The following ZNF510 variants were observed in gnomAD, a reference collection of about 807,000 sequenced individuals.
ZNF510 encodes the protein zinc finger protein 510.
A neutral mutation model predicts 18.1 loss-of-function variants in ZNF510; 15 were observed. The ratio of observed to expected loss-of-function variants is 0.83; its 90% CI spans 0.55 to 1.28. ZNF510 has a LOEUF of 1.28. Ranked by LOEUF, ZNF510 falls within the 50% of genes most tolerant of loss-of-function variation. The pLI, the probability that ZNF510 is intolerant of heterozygous loss-of-function variation, is 0.00. For synonymous variants in ZNF510, 261 were observed against 266.4 expected, an observed-to-expected ratio of 0.98 and a Z score of 0.20; for missense variants, 724 against 791.8, an observed-to-expected ratio of 0.91 and a Z score of 1.03.
chr9:96,763,555 A>G lies in ZNF510; in HGVS notation c.207T>C (p.Asn69=). The G allele has an allele frequency of 6.2e-7, 1 of 1,613,218 alleles. No homozygotes were observed. The highest frequency in any genetic ancestry group is 1.3e-5 in the African/African-American group (1 of 74,962). ...TCTCCAGCATCACATCTCTGTACAG[A>G]TTCTTCTGAACAGGGGCCATTTGCT... ...EWQQMAPVQK[N]LYRDVMLENY... is the part of the protein sequence containing the mutation. Residue 69 remains asparagine, a synonymous_variant, in exon 4 of 6, where the codon AAT becomes AAC. Transcript: ENST00000223428.
chr9:96,760,925 C>T (rs76272926), intron 5 of ZNF510, among the ~76,000 whole-genome samples: 6 of 152,160 alleles, frequency 3.9e-5, no homozygotes, highest in Non-Finnish European at 7.4e-5. Flanking sequence ...AAGTAAATTA[C>T]AGTCTAGGTC....
intron 3 of ZNF510, among the ~76,000 whole-genome samples, chr9:96,763,971 C>T (rs1849413498): frequency 6.6e-6 from 1 of 152,060 alleles, no homozygotes; most frequent in African/African-American, 2.4e-5. Flanking sequence ...GTGGTATGTG[C>T]CTGTAGTCCC....
chr9:96,763,463 T>G, intron 4 of ZNF510, 43 bp downstream of exon 4: 1 of 1,557,696 alleles, frequency 6.4e-7, no homozygotes, highest in East Asian at 2.2e-5. Context: ...AAGAAATACC[T>G]TCTATATGGA....
chr9:96,769,427 A>G (rs1008850922), intron 3 of ZNF510, among the ~76,000 whole-genome samples: 4 of 148,436 alleles, frequency 2.7e-5, no homozygotes, highest in Non-Finnish European at 6.0e-5. Context: ...ACAGACAAAG[A>G]TTCCGTCTCC....
chr9:96,773,081 T>C (rs993748793), intron 3 of ZNF510, among the ~76,000 whole-genome samples: 23 of 152,346 alleles, frequency 1.5e-4, no homozygotes, highest in African/African-American at 5.5e-4. Flanking sequence ...CCTTGAAAAC[T>C]GTAAAAGAAT....
chr9:96,759,058 T>C lies in ZNF510; in HGVS notation c.1772A>G (p.Gln591Arg). 5.6e-6 allele frequency: 9 copies of C among 1,614,120 alleles called. No individual in the cohort carries two copies. Among genetic ancestry groups the C allele is most frequent in the Non-Finnish European group, 7.6e-6 (9 of 1,179,998 alleles). The change falls in exon 6 of 6, where the codon CAA becomes CGA. Residue 591 changes from glutamine (Q) to arginine (R), a missense_variant. Transcript: ENST00000223428. ...TGGTTTCTCCCCAGTGTGAATTCTTTGATGCACTCTGAGGGTTGATGTCCG... is the reference window on the plus strand; with the variant it reads ...TGGTTTCTCCCCAGTGTGAATTCTTCGATGCACTCTGAGGGTTGATGTCCG... ...FARTSTLRVH[Q>R]RIHTGEKPFK...
At chr9:96,766,825 G>A (rs781712313) in intron 3 of ZNF510, among the ~76,000 whole-genome samples, 20 of 135,848 alleles carry the variant, frequency 1.5e-4, no homozygotes, top group Admixed American at 6.9e-4. Flanking sequence ...AGAGAGAGAC[G>A]AGACAGGCAC....
intron 5 of ZNF510, among the ~76,000 whole-genome samples, chr9:96,761,414 T>TAACA (rs768171553): frequency 5.3e-5 from 8 of 152,216 alleles, no homozygotes. Flanking sequence ...GCTTACCTCT[T>TAACA]AACATTTTAT....
intron 3 of ZNF510, among the ~76,000 whole-genome samples, chr9:96,767,800 A>G (rs573247299): frequency 4.6e-5 from 7 of 152,326 alleles, no homozygotes; most frequent in Middle Eastern, 3.4e-3. Flanking sequence ...TCTACCAAAC[A>G]TTTAAAGAAA....
Position 96,756,571 on chromosome 9 carries a change from G to C in ZNF510, c.*2207C>G, listed in dbSNP as rs1470363253. On this transcript the variant is annotated 3_prime_UTR_variant, in exon 6 of 6. Coordinates refer to ENST00000223428, the MANE Select transcript of ZNF510 (RefSeq NM_014930.3). ...CATTTTCATTCCACAAGTGAGGCTT[G>C]CTGGGTCCTTTTCATTTTGTTAGTT... 1 of 152,218 alleles carries C rather than the reference G, an allele frequency of 6.6e-6. No individual in the cohort carries two copies. The highest frequency in any genetic ancestry group is 1.5e-5 in the Non-Finnish European group (1 of 68,064). 9.4% of individuals were successfully genotyped at this position (152,218 alleles called of 1,614,324 possible). A position where few individuals can be genotyped will look rare whatever the true frequency, so the allele number is the denominator to read the frequency against.
rs764632631 is a variant in ZNF510, at chr9:96,759,475, C to G, written c.1355G>C (p.Arg452Thr). Residue 452 changes from arginine to threonine, a missense_variant, in exon 6 of 6, where the codon AGA (arginine) becomes ACA (threonine). Coordinates refer to ENST00000223428, the MANE Select transcript of ZNF510 (RefSeq NM_014930.3). ...ATAGGGTTTTTCTGCTGTATGAATT[C>G]TCTGATGAGTACTGAGGTGTGACTT... ...SQKSHLSTHQ[R>T]IHTAEKPYKC... 2 of 1,614,094 alleles carry G rather than the reference C, an allele frequency of 1.2e-6. No individual in the cohort carries two copies. Among genetic ancestry groups the G allele is most frequent in the Admixed American group, 3.3e-5 (2 of 60,026 alleles).
Position 96,774,850 on chromosome 9 carries a change from G to A in ZNF510, c.71-4C>T. 1 of 1,613,868 alleles carries A rather than the reference G, an allele frequency of 6.2e-7. No individual in the cohort carries two copies. On this transcript the variant is annotated splice_region_variant and splice_polypyrimidine_tract_variant and intron_variant, in intron 2 of 5. Transcript: ENST00000223428. The stretch of plus-strand genomic sequence containing the variant: ...GTGGAGAACCGTAAAGGATAACCTG[G>A]GGGTGAGGAAGGAGTCATGAGAGAT...
Position 96,759,828 on chromosome 9 carries a change from T to C in ZNF510, c.1002A>G (p.Lys334=). Residue 334 remains lysine, a synonymous_variant, in exon 6 of 6, where the codon AAA becomes AAG. Transcript: ENST00000223428. ...EEYNKLNMGI[K]HYELNPSGNN... ...TTCCACTTGGATTTAATTCATAATG[T>C]TTTATACCCATATTAAGTTTATTAT... The C allele has an allele frequency of 6.2e-7, 1 of 1,613,768 alleles. No individual in the cohort carries two copies. Among genetic ancestry groups the C allele is most frequent in the Non-Finnish European group, 8.5e-7 (1 of 1,179,942 alleles).
rs1849188592 is a variant in ZNF510, at chr9:96,756,169, A to C, written c.*2609T>G. 1 of 152,376 alleles carries C rather than the reference A, an allele frequency of 6.6e-6. No individual in the cohort carries two copies. Among genetic ancestry groups the C allele is most frequent in the African/African-American group, 2.4e-5 (1 of 41,582 alleles). 9.4% of individuals were successfully genotyped at this position (152,376 alleles called of 1,614,324 possible). On this transcript the variant is annotated 3_prime_UTR_variant, in exon 6 of 6. Coordinates refer to ENST00000223428, the MANE Select transcript of ZNF510 (RefSeq NM_014930.3). ...GCTTTTTAATCTGTAATTTCCAATT[A>C]GAATATCAAATATCTAGGCCACATC...
intron 3 of ZNF510, among the ~76,000 whole-genome samples, chr9:96,770,181 G>T (rs73554354): frequency 6.6e-6 from 1 of 152,134 alleles, no homozygotes; most frequent in Non-Finnish European, 1.5e-5. Flanking sequence ...TCAGTTGAAT[G>T]AATAAACAAT....
chr9:96,762,856 G>T, intron 5 of ZNF510: 1 of 233,284 alleles, frequency 4.3e-6, no homozygotes, highest in Admixed American at 5.1e-5. Flanking sequence ...ACATTTTCAG[G>T]AAGCATATCC....
chr9:96,773,652 T>A (rs1045853055), intron 3 of ZNF510, among the ~76,000 whole-genome samples: 24 of 151,962 alleles, frequency 1.6e-4, no homozygotes, highest in Non-Finnish European at 3.2e-4. Flanking sequence ...CTCAGCTCAC[T>A]GCAGCCTCCG....
intron 5 of ZNF510, among the ~76,000 whole-genome samples, chr9:96,762,221 AAAAAG>A (rs1849363882): frequency 6.8e-6 from 1 of 147,164 alleles, no homozygotes; most frequent in Non-Finnish European, 1.5e-5. Context: ...AAAAAAAAAA[AAAAAG>A]AGGCCAGGCA....
intron 3 of ZNF510, among the ~76,000 whole-genome samples, chr9:96,770,736 T>C (rs1044029100): frequency 4.6e-5 from 7 of 151,836 alleles, no homozygotes; most frequent in African/African-American, 9.7e-5. Flanking sequence ...AGGGCTGAGA[T>C]TGTGTATGTC....
Sources: gnomAD v4.1 joint callset for allele counts (sites outside exome capture counted in the v4.1 genomes callset) on GRCh38, gnomAD v4.1.1 for gene constraint, MANE v1.5 for transcripts, NCBI Gene and HGNC (gene_info 2026-07-23, HGNC 2026-07-21) for gene names.